The following CPED1 variants were observed in gnomAD, a reference collection of about 807,000 sequenced individuals.
The protein encoded by CPED1 is cadherin like and PC-esterase domain containing 1.
In CPED1, 114 loss-of-function variants were observed where a neutral mutation model predicts 128.2. The observed-to-expected ratio is 0.89, with a 90% CI of 0.76 to 1.04. The LOEUF (loss-of-function observed/expected upper bound fraction) is 1.04. CPED1 is among the 50% of genes least tolerant of loss of function. The pLI is 0.00. For synonymous variants in CPED1, 462 were observed against 426.7 expected (o/e 1.08, Z -1.02); for missense variants, 1,211 against 1,207.1 (o/e 1.00, Z -0.05).
intron 21 of CPED1, among the ~76,000 whole-genome samples, chr7:121,268,184 C>G (rs547078675): frequency 6.6e-6 from 1 of 152,154 alleles, no homozygotes; most frequent in East Asian, 1.9e-4. Context: ...ATAATGTCTT[C>G]CATGGATTGA....
chr7:121,094,636 G>A (rs1794655747), intron 5 of CPED1, among the ~76,000 whole-genome samples: 2 of 152,076 alleles, frequency 1.3e-5, no homozygotes, highest in African/African-American at 2.4e-5. Context: ...AAGATTCATG[G>A]GATTTACATT....
intron 22 of CPED1, among the ~76,000 whole-genome samples, chr7:121,284,906 G>A (rs1792535408): frequency 6.6e-6 from 1 of 152,178 alleles, no homozygotes; most frequent in Non-Finnish European, 1.5e-5. Flanking sequence ...TCTTCTCACA[G>A]CTTCATTCAG....
chr7:121,286,980 T>C (rs947167674), intron 22 of CPED1, among the ~76,000 whole-genome samples: 1 of 152,022 alleles, frequency 6.6e-6, no homozygotes, highest in East Asian at 1.9e-4. Context: ...GAAGGAGAAG[T>C]GCCAAGTGAA....
intron 3 of CPED1, 145 bp downstream of exon 3, chr7:121,015,993 T>C (rs1792292509): frequency 2.0e-6 from 1 of 498,242 alleles, no homozygotes. Context: ...AGAAAACTTA[T>C]CTCTTTTTTT....
intron 3 of CPED1, among the ~76,000 whole-genome samples, chr7:121,017,102 T>C (rs371165872): frequency 6.6e-6 from 1 of 152,164 alleles, no homozygotes; most frequent in Non-Finnish European, 1.5e-5. Flanking sequence ...GAAGAAACTC[T>C]GAGGGAACAG....
Position 120,990,610 on chromosome 7 carries a change from A to G in CPED1, c.249+740A>G, listed in dbSNP as rs143486409. Among the ~76,000 whole-genome samples, 97 of 152,320 alleles carry G rather than the reference A, an allele frequency of 6.4e-4. 2 individuals carry two copies. The East Asian group carries it at 0.018, about 28-fold the overall frequency. On this transcript the variant is annotated intron_variant, in intron 2 of 22. Transcript: ENST00000310396. ...CCTATCAGTAATATAATGACCTGTA[A>G]CATAGTCAAGTGTAAAACAGAACAT...
chr7:121,011,361 T>C lies in CPED1; in HGVS notation c.250-4304T>C, dbSNP rs138560788. Among the ~76,000 whole-genome samples, 100 of 152,346 alleles carry C rather than the reference T, an allele frequency of 6.6e-4. 1 individual carries two copies. In the East Asian group the frequency reaches 0.017, roughly 26 times the overall value. Reference sequence around the variant, plus strand: ...AAGTAGCTCTTTATTCAATTTTTACTGTAAATTCATTATTTTGCTTAAATA... The same window carrying C: ...AAGTAGCTCTTTATTCAATTTTTACCGTAAATTCATTATTTTGCTTAAATA... On this transcript the variant is annotated intron_variant, in intron 2 of 22. Coordinates refer to ENST00000310396, the MANE Select transcript of CPED1 (RefSeq NM_024913.5).
intron 16 of CPED1, among the ~76,000 whole-genome samples, chr7:121,147,030 G>A (rs981321591): frequency 5.9e-5 from 9 of 152,062 alleles, no homozygotes; most frequent in Admixed American, 2.6e-4. Context: ...TCCCCAAGAT[G>A]TGTCAACCAA....
In CPED1 at chr7:121,089,206, CA is replaced by C. The variant is rs560853405; in HGVS notation, c.617-8492del. 1.8e-3 allele frequency among the ~76,000 whole-genome samples: 270 copies of C among 152,282 alleles called. 2 individuals carry two copies. The highest frequency in any genetic ancestry group is 6.3e-3 in the African/African-American group (263 of 41,558). On this transcript the variant is annotated intron_variant, in intron 5 of 22. Transcript: ENST00000310396. ...TTCCATGTTTTTGACTTGTTTCTGG[CA>C]TTTGGAGCTCTAACCCTCATTAGAT... is the stretch of plus-strand genomic sequence containing the variant.
chr7:121,246,523 G>A (rs1048684736), intron 18 of CPED1, among the ~76,000 whole-genome samples: 1 of 152,204 alleles, frequency 6.6e-6, no homozygotes, highest in Admixed American at 6.5e-5. Context: ...AGCAAAGAGA[G>A]AGAAAGAGTT....
intron 2 of CPED1, among the ~76,000 whole-genome samples, chr7:120,994,922 CTCT>C (rs993466374): frequency 6.6e-6 from 1 of 152,116 alleles, no homozygotes; most frequent in African/African-American, 2.4e-5. Flanking sequence ...TTCAAAATGC[CTCT>C]TCTTCGCCAA....
intron 3 of CPED1, among the ~76,000 whole-genome samples, chr7:121,046,237 G>A (rs974209892): frequency 9.9e-5 from 15 of 152,084 alleles, no homozygotes; most frequent in African/African-American, 2.9e-4. Flanking sequence ...AATATCATTT[G>A]CTTTCGTCTG....
chr7:121,080,047 T>A (rs1794245214), intron 5 of CPED1, among the ~76,000 whole-genome samples: 1 of 152,214 alleles, frequency 6.6e-6, no homozygotes, highest in Admixed American at 6.5e-5. Context: ...TAAACATAGA[T>A]GTGTAGCAGT....
chr7:121,178,386 C>T (rs34143330), intron 16 of CPED1, among the ~76,000 whole-genome samples: 13,570 of 151,988 alleles, frequency 0.089, 697 homozygotes, highest in South Asian at 0.17. Context: ...TATACACATG[C>T]GTATTTTTGT....
chr7:121,230,992 G>T (rs1247588045), intron 16 of CPED1, among the ~76,000 whole-genome samples: 1 of 152,054 alleles, frequency 6.6e-6, no homozygotes, highest in Non-Finnish European at 1.5e-5. Context: ...GTGTCTGGAA[G>T]CCCTGAGAGT....
chr7:121,253,301 G>A (rs1443269504), intron 18 of CPED1, among the ~76,000 whole-genome samples: 10 of 115,864 alleles, frequency 8.6e-5, no homozygotes, highest in African/African-American at 1.7e-4. Flanking sequence ...ATCACACACC[G>A]AGGACGGTTG....
chr7:121,290,206 A>T (rs1034183859), intron 22 of CPED1, among the ~76,000 whole-genome samples: 2 of 152,220 alleles, frequency 1.3e-5, no homozygotes, highest in African/African-American at 4.8e-5. Flanking sequence ...CCAGTCTAAC[A>T]TTGATGGGCA....
chr7:121,225,954 T>C (rs1354426478), intron 16 of CPED1, among the ~76,000 whole-genome samples: 2 of 152,024 alleles, frequency 1.3e-5, no homozygotes. Context: ...AGTTTGTTAT[T>C]ACCGACCTTC....
At position 121,127,098 on chromosome 7, in the gene CPED1, G is replaced by T. The variant is rs1336870848; in HGVS notation, c.1143G>T (p.Glu381Asp). Residue 381 changes from glutamate (E) to aspartate (D), a missense_variant, in exon 10 of 23, where the codon GAG becomes GAT. By Grantham distance (45) the Glu-to-Asp change is conservative. Coordinates refer to ENST00000310396, the MANE Select transcript of CPED1 (RefSeq NM_024913.5). ...FMYPVVLQVH[E>D]HLNFQDYDNM... is the part of the protein sequence containing the mutation. Reference sequence around the variant, plus strand: ...CTTTTGTTCTTTCAAAGGTACACGAGCATTTAAATTTTCAAGATTATGATA... The same window carrying T: ...CTTTTGTTCTTTCAAAGGTACACGATCATTTAAATTTTCAAGATTATGATA... The T allele has an allele frequency of 6.3e-7, 1 of 1,588,164 alleles. No individual in the cohort carries two copies.
Sources: gnomAD v4.1 joint callset for allele counts (sites outside exome capture counted in the v4.1 genomes callset) on GRCh38, gnomAD v4.1.1 for gene constraint, MANE v1.5 for transcripts, NCBI Gene and HGNC (gene_info 2026-07-23, HGNC 2026-07-21) for gene names.